Variants in NCAM1 observed in about 807,000 individuals in gnomAD.
The protein encoded by NCAM1 is antigen recognized by monoclonal antibody 5.1H11.
In NCAM1, 14 loss-of-function variants were observed where a neutral mutation model predicts 109.8. The ratio of observed to expected loss-of-function variants is 0.13; its 90% CI spans 0.08 to 0.20. The LOEUF (loss-of-function observed/expected upper bound fraction) is 0.20, where lower values mean the gene tolerates loss of function less well. Ranked by LOEUF, NCAM1 falls within the 10% of genes least tolerant of loss-of-function variation. The pLI is 1.00. For synonymous variants in NCAM1, 418 were observed against 442.9 expected (o/e 0.94, Z 0.70); for missense variants, 774 against 1,109.9 (o/e 0.70, Z 4.30).
At chr11:112,994,777 A>G (rs1260856877) in intron 1 of NCAM1, among the ~76,000 whole-genome samples, 10 of 152,118 alleles carry the variant, frequency 6.6e-5, no homozygotes, top group African/African-American at 2.4e-4. Flanking sequence ...TGTATTTTCT[A>G]CAGAGTTTCT....
intron 3 of NCAM1, 35 bp from the exon 4 acceptor site, chr11:113,205,487 CA>C (rs781902410): frequency 6.3e-7 from 1 of 1,588,048 alleles, no homozygotes. Context: ...GTGAGAGAAG[CA>C]GCTGTTTTCC....
intron 15 of NCAM1, among the ~76,000 whole-genome samples, chr11:113,247,392 G>T (rs1469160575): frequency 6.6e-6 from 1 of 152,120 alleles, no homozygotes; most frequent in Non-Finnish European, 1.5e-5. Context: ...GTCCCTGTTT[G>T]ACCTCACTTC....
chr11:113,186,576 A>T lies in NCAM1; in HGVS notation c.53-15803A>T, dbSNP rs148992727. ...TTCTACCTCTTTACCTTCATTCCACATTCTTGGAGAACACTTGGTCAGATT... is the reference window on the plus strand; with the variant it reads ...TTCTACCTCTTTACCTTCATTCCACTTTCTTGGAGAACACTTGGTCAGATT... On this transcript the variant is annotated intron_variant, in intron 1 of 19. Coordinates refer to ENST00000316851, the MANE Select transcript of NCAM1 (RefSeq NM_181351.5). Among the ~76,000 whole-genome samples the T allele has an allele frequency of 2.4e-3, 359 of 152,336 alleles. 1 individual carries two copies. The highest frequency in any genetic ancestry group is 8.1e-3 in the African/African-American group (336 of 41,584).
intron 1 of NCAM1, among the ~76,000 whole-genome samples, chr11:113,114,306 C>T (rs1940585993): frequency 6.6e-6 from 1 of 152,140 alleles, no homozygotes; most frequent in South Asian, 2.1e-4. Flanking sequence ...TGGCCGTGGC[C>T]ACTCTCCTTT....
chr11:113,211,504 A>G (rs1428875456), intron 7 of NCAM1, among the ~76,000 whole-genome samples: 2 of 152,128 alleles, frequency 1.3e-5, no homozygotes, highest in Non-Finnish European at 2.9e-5. Flanking sequence ...GATGCATCCT[A>G]TCATCCTTTA....
chr11:113,067,003 C>CAA (rs34002848), intron 1 of NCAM1, among the ~76,000 whole-genome samples: 2,313 of 103,054 alleles, frequency 0.022, 56 homozygotes, highest in African/African-American at 0.06. Context: ...GAACCCCTCT[C>CAA]AAAAAAAAAA....
intron 1 of NCAM1, among the ~76,000 whole-genome samples, chr11:112,964,282 G>T (rs1244653951): frequency 2.0e-5 from 3 of 151,688 alleles, no homozygotes. Context: ...GAGTCCGATG[G>T]GCTGCCCCTC....
At position 113,273,647 on chromosome 11, in the gene NCAM1, C is replaced by G. The variant is rs1555125971; in HGVS notation, c.2457-1620C>G. 2.2e-6 allele frequency: 1 copy of G among 456,012 alleles called. No homozygotes were observed. The highest frequency in any genetic ancestry group is 7.0e-5 in the East Asian group (1 of 14,364). 28.2% of individuals were successfully genotyped at this position (456,012 alleles called of 1,614,324 possible). A position where few individuals can be genotyped will look rare whatever the true frequency, so the allele number is the denominator to read the frequency against. On this transcript the variant is annotated intron_variant, in intron 19 of 19. Coordinates refer to ENST00000316851, the MANE Select transcript of NCAM1 (RefSeq NM_181351.5). The surrounding 1 kb of genome is among the most constrained non-coding windows in gnomAD (Gnocchi z 6.0). ...ACCTTGCAAAGGATGTTTTTGCAGC[C>G]CTGGGCTCTCCTGCTCCCGCCGCTG...
chr11:113,094,426 T>A (rs1939499586), intron 1 of NCAM1, among the ~76,000 whole-genome samples: 1 of 152,206 alleles, frequency 6.6e-6, no homozygotes, highest in Non-Finnish European at 1.5e-5. Flanking sequence ...CCATTTCACC[T>A]TCAGAGATTG....
rs1279862749 is a variant in NCAM1, at chr11:113,080,362, A to C, written c.52+118698A>C. Among the ~76,000 whole-genome samples, 78 of 152,358 alleles carry C rather than the reference A, an allele frequency of 5.1e-4. 1 individual carries two copies. The highest frequency in any genetic ancestry group is 5.8e-4 in the East Asian group (3 of 5,184). ...TTTCCTGATGAAAATTTAGGTTCGC[A>C]AAGTAAAAATCTGAAAGTATTCCAT... On this transcript the variant is annotated intron_variant, in intron 1 of 19. Transcript: ENST00000316851.
chr11:113,188,917 C>T (rs1449008217), intron 1 of NCAM1, among the ~76,000 whole-genome samples: 1 of 152,092 alleles, frequency 6.6e-6, no homozygotes, highest in Non-Finnish European at 1.5e-5. Flanking sequence ...AGAGTTGGTG[C>T]TGGGATGCCA....
chr11:113,064,808 G>A (rs1395972455), intron 1 of NCAM1, among the ~76,000 whole-genome samples: 1 of 152,076 alleles, frequency 6.6e-6, no homozygotes, highest in Non-Finnish European at 1.5e-5. Flanking sequence ...AAAACTTAAA[G>A]GTGTTAATTT....
At chr11:113,243,644 C>G (rs782476226) in intron 14 of NCAM1, 1 of 517,132 alleles carries the variant, frequency 1.9e-6, no homozygotes, top group South Asian at 1.4e-5. Context: ...ACCTGAATCT[C>G]CTGAAGAATC....
At chr11:113,007,961 G>C (rs1951931560) in intron 1 of NCAM1, among the ~76,000 whole-genome samples, 1 of 152,168 alleles carries the variant, frequency 6.6e-6, no homozygotes, top group South Asian at 2.1e-4. Flanking sequence ...ATATGTGTCT[G>C]TGTATAAAAT....
At chr11:113,232,492 G>A in intron 11 of NCAM1, 138 bp downstream of exon 11, 1 of 988,608 alleles carries the variant, frequency 1.0e-6, no homozygotes, top group Non-Finnish European at 1.5e-6. Context: ...AGAAGACACT[G>A]AGCCTCTTTT....
chr11:113,040,247 C>A (rs12574688), intron 1 of NCAM1, among the ~76,000 whole-genome samples: 17,669 of 152,088 alleles, frequency 0.12, 1,191 homozygotes, highest in East Asian at 0.32. Flanking sequence ...GTATTTTACA[C>A]CCCTCAATTT....
intron 17 of NCAM1, among the ~76,000 whole-genome samples, chr11:113,260,960 A>G (rs1945975210): frequency 6.6e-6 from 1 of 152,222 alleles, no homozygotes; most frequent in African/African-American, 2.4e-5. Context: ...CAGTTCTCCT[A>G]GGAGATACAG....
intron 14 of NCAM1, chr11:113,243,077 C>A: frequency 1.9e-4 from 135 of 698,254 alleles, no homozygotes; most frequent in Non-Finnish European, 2.2e-4. Flanking sequence ...ATACTCCGTG[C>A]ATGAGGAGGC....
intron 1 of NCAM1, among the ~76,000 whole-genome samples, chr11:113,035,423 C>G (rs917717063): frequency 6.6e-6 from 1 of 152,122 alleles, no homozygotes; most frequent in Non-Finnish European, 1.5e-5. Flanking sequence ...CACATCTCAC[C>G]ACCCCTGAAG....
Sources: allele counts gnomAD v4.1 joint callset (sites outside exome capture counted in the v4.1 genomes callset), GRCh38; gene constraint gnomAD v4.1.1; non-coding constraint Gnocchi (gnomAD v3.1); transcripts MANE v1.5; gene names NCBI Gene and HGNC (gene_info 2026-07-23, HGNC 2026-07-21).